SPG11: variants seen among roughly 807,000 people sequenced by gnomAD.
The protein encoded by SPG11 is SPG11 vesicle trafficking associated, spatacsin.
In SPG11, 222 loss-of-function variants were observed where a neutral mutation model predicts 274.0. The observed-to-expected ratio is 0.81, with a 90% CI of 0.73 to 0.91. SPG11 has a LOEUF of 0.91. Ranked by LOEUF, SPG11 falls within the 40% of genes least tolerant of loss-of-function variation. The pLI is 0.00. For synonymous variants in SPG11, 1,144 were observed against 1,039.7 expected (o/e 1.10, Z -1.93); for missense variants, 3,114 against 2,872.7 (o/e 1.08, Z -1.92).
In SPG11 at chr15:44,633,559, T is replaced by C. The variant is rs1189064880; in HGVS notation, c.1681A>G (p.Lys561Glu). 1.9e-6 allele frequency: 3 copies of C among 1,612,146 alleles called. No homozygotes were observed. Among genetic ancestry groups the C allele is most frequent in the Admixed American group, 3.3e-5 (2 of 59,962 alleles). The change falls in exon 8 of 40, where the codon AAA becomes GAA. Residue 561 changes from lysine to glutamate, a missense_variant. Coordinates refer to ENST00000261866, the MANE Select transcript of SPG11 (RefSeq NM_025137.4). ...TCAAACTGATCAGATACAGAAGATT[T>C]TGAGGATGGATTAAAAAGATTTTCC... The part of the protein sequence containing the change: ...SKENLFNPSS[K>E]SSVSDQFDHL...
chr15:44,576,444 C>T (rs772557814), intron 30 of SPG11, among the ~76,000 whole-genome samples: 1 of 151,612 alleles, frequency 6.6e-6, no homozygotes, highest in Non-Finnish European at 1.5e-5. Context: ...GTCAGGAGAT[C>T]GAGACCATCC....
At chr15:44,598,870 C>A in intron 21 of SPG11, 34 bp from the exon 22 acceptor site, 2 of 1,596,714 alleles carry the variant, frequency 1.3e-6, no homozygotes, top group Non-Finnish European at 1.7e-6. Context: ...CACATCAGCA[C>A]ATGAAAATTA....
chr15:44,652,815 T>C (rs2084825576), intron 4 of SPG11, among the ~76,000 whole-genome samples: 1 of 152,080 alleles, frequency 6.6e-6, no homozygotes, highest in Non-Finnish European at 1.5e-5. Flanking sequence ...CCACCATGCC[T>C]GGCTAATTTC....
Position 44,626,481 on chromosome 15 carries a change from G to A in SPG11, c.2094C>T (p.Asn698=). 1.2e-6 allele frequency: 2 copies of A among 1,613,794 alleles called. No individual in the cohort carries two copies. Among genetic ancestry groups the A allele is most frequent in the Non-Finnish European group, 1.7e-6 (2 of 1,179,918 alleles). ...AAGTCTGTGCCTCTGGTATTTTGTT[G>A]TTTAAAATGGCGCTGGCAATAACTT... ...FEEVIASAIL[N]NKIPEAQTFF... is the part of the protein sequence containing the mutation. The change falls in exon 11 of 40, where the codon AAC becomes AAT. Residue 698 remains asparagine, a synonymous_variant. Transcript: ENST00000261866.
rs956523946 is a variant in SPG11, at chr15:44,578,063, C to T, written c.5867-3022G>A. ...TTTTTGAGACGGAGTCTCGCTCTGT[C>T]GCCCAGGCTGGAGTGCATTGGCGTG... is the stretch of plus-strand genomic sequence containing the variant. On this transcript the variant is annotated intron_variant, in intron 30 of 39. Transcript: ENST00000261866. Among the ~76,000 whole-genome samples the T allele has an allele frequency of 4.6e-4, 62 of 135,164 alleles. 1 individual carries two copies. Among genetic ancestry groups the T allele is most frequent in the Non-Finnish European group, 4.7e-4 (31 of 65,490 alleles). 88.7% of individuals were successfully genotyped at this position (135,164 alleles called of 152,430 possible). A position where few individuals can be genotyped will look rare whatever the true frequency, so the allele number is the denominator to read the frequency against.
intron 28 of SPG11, among the ~76,000 whole-genome samples, chr15:44,586,109 TG>T (rs1347465866): frequency 6.7e-6 from 1 of 150,278 alleles, no homozygotes; most frequent in Non-Finnish European, 1.5e-5. Context: ...CTCGGCCTCC[TG>T]AGTAGTGGGG....
intron 38 of SPG11, 90 bp from the exon 39 acceptor site, chr15:44,564,788 C>CA (rs2082276356): frequency 7.3e-7 from 1 of 1,377,702 alleles, no homozygotes; most frequent in African/African-American, 1.4e-5. Context: ...ACTGTATACT[C>CA]ACTCATGTAG....
chr15:44,641,632 C>CACACAA (rs1416123255), intron 7 of SPG11, among the ~76,000 whole-genome samples: 16 of 146,644 alleles, frequency 1.1e-4, no homozygotes, highest in South Asian at 8.7e-4. Context: ...CACACACACA[C>CACACAA]AAAACCTTAA....
intron 28 of SPG11, among the ~76,000 whole-genome samples, chr15:44,587,633 T>C (rs560394349): frequency 2.8e-5 from 4 of 142,588 alleles, no homozygotes; most frequent in Non-Finnish European, 4.5e-5. Context: ...GAGGTTGCAG[T>C]TGCAGTGAGC....
At chr15:44,578,437 TAGTC>T (rs909106983) in intron 30 of SPG11, among the ~76,000 whole-genome samples, 13 of 152,036 alleles carry the variant, frequency 8.6e-5, no homozygotes, top group African/African-American at 2.7e-4. Flanking sequence ...GGTGTAGGAA[TAGTC>T]AGGGTAGTGC....
In SPG11 at chr15:44,595,332, G is replaced by C. The variant is rs1337761270; in HGVS notation, c.4562C>G (p.Ser1521Ter). The C allele has an allele frequency of 6.2e-7, 1 of 1,614,196 alleles. No individual in the cohort carries two copies. The highest frequency in any genetic ancestry group is 1.7e-5 in the Admixed American group (1 of 60,018). The change falls in exon 26 of 40, where the codon TCA becomes TGA. Residue 1521 changes from serine (S) to a stop codon, truncating the protein, a stop_gained. Transcript: ENST00000261866. LOFTEE classifies it high-confidence loss of function. The stretch of plus-strand genomic sequence containing the variant: ...TGTTAATAATGTTCTCCAGATGACT[G>C]AAAGATCCTCAAGGTTCCAGGTATG... ...EDHTWNLEDL[S>*]VIWRTLLTRQ...
chr15:44,645,635 A>G (rs1490437643), intron 7 of SPG11, among the ~76,000 whole-genome samples: 2 of 152,208 alleles, frequency 1.3e-5, no homozygotes, highest in Non-Finnish European at 2.9e-5. Flanking sequence ...TAATTAAACT[A>G]AAGAGCTTCT....
chr15:44,629,614 C>A (rs971961798), intron 8 of SPG11, among the ~76,000 whole-genome samples: 4 of 152,194 alleles, frequency 2.6e-5, no homozygotes, highest in African/African-American at 9.6e-5. Flanking sequence ...TACCCTTTTG[C>A]TGACCACCTA....
At chr15:44,658,066 G>A (rs749104853) in intron 3 of SPG11, among the ~76,000 whole-genome samples, 5 of 152,096 alleles carry the variant, frequency 3.3e-5, no homozygotes, top group Admixed American at 1.3e-4. Context: ...TTAAAAATTC[G>A]GTTCCCAAGT....
chr15:44,584,399 C>T lies in SPG11; in HGVS notation c.5281G>A (p.Glu1761Lys). The T allele has an allele frequency of 1.2e-6, 2 of 1,614,058 alleles. No individual in the cohort carries two copies. Among genetic ancestry groups the T allele is most frequent in the Non-Finnish European group, 1.7e-6 (2 of 1,179,946 alleles). Reference protein sequence around the residue: ...FFSTQAHVACEHPTGWSSMEE... With the variant: ...FFSTQAHVACKHPTGWSSMEE... Reference sequence around the variant, plus strand: ...ATGCTGCTCCATCCAGTTGGGTGCTCACATGCCACATGGGCCTGGGTTGAG... The same window carrying T: ...ATGCTGCTCCATCCAGTTGGGTGCTTACATGCCACATGGGCCTGGGTTGAG... The change falls in exon 30 of 40, where the codon GAG becomes AAG. Residue 1761 changes from glutamate (E) to lysine (K), a missense_variant. By Grantham distance (56) the Glu-to-Lys change is moderately conservative. Coordinates refer to ENST00000261866, the MANE Select transcript of SPG11 (RefSeq NM_025137.4).
At chr15:44,606,115 A>G in intron 19 of SPG11, 24 bp from the exon 20 acceptor site, 1 of 1,606,804 alleles carries the variant, frequency 6.2e-7, no homozygotes, top group Admixed American at 1.7e-5. Flanking sequence ...AAAGTTAAAC[A>G]GAATTAGAAG....
chr15:44,566,367 A>T (rs2082309393), intron 36 of SPG11, 62 bp from the exon 37 acceptor site: 2 of 1,501,244 alleles, frequency 1.3e-6, no homozygotes, highest in Admixed American at 1.8e-5. Flanking sequence ...TTCTCATCCC[A>T]CTCATTGTGA....
intron 7 of SPG11, among the ~76,000 whole-genome samples, chr15:44,639,814 AAATT>A (rs1304029586): frequency 3.3e-5 from 5 of 151,688 alleles, no homozygotes; most frequent in Admixed American, 1.3e-4. Context: ...AAAATCTAAT[AAATT>A]ATTAGGATTA....
At chr15:44,613,890 T>A (rs1457536593) in intron 16 of SPG11, among the ~76,000 whole-genome samples, 1 of 152,142 alleles carries the variant, frequency 6.6e-6, no homozygotes, top group Non-Finnish European at 1.5e-5. Flanking sequence ...TTTAAAAAAC[T>A]CTTACAAGCC....
Sources: gnomAD v4.1 joint callset for allele counts (sites outside exome capture counted in the v4.1 genomes callset) on GRCh38, gnomAD v4.1.1 for gene constraint, MANE v1.5 for transcripts, NCBI Gene and HGNC (gene_info 2026-07-23, HGNC 2026-07-21) for gene names.